The following P2RY10 variants were observed in gnomAD, a reference collection of about 807,000 sequenced individuals.
P2RY10 encodes the protein putative P2Y purinoceptor 10.
Under a neutral mutation model 12.1 loss-of-function variants are expected in P2RY10, and 4 were observed. That is an observed-to-expected ratio of 0.33 (90% confidence interval 0.16 to 0.76). The LOEUF (loss-of-function observed/expected upper bound fraction) is 0.76, where lower values mean the gene tolerates loss of function less well. Ranked by LOEUF, P2RY10 falls within the 30% of genes least tolerant of loss-of-function variation. The pLI, the probability that P2RY10 is intolerant of heterozygous loss-of-function variation, is 0.61. For synonymous variants in P2RY10, 112 were observed against 94.1 expected (o/e 1.19, Z -1.10); for missense variants, 233 against 264.6 (o/e 0.88, Z 0.83).
At chrX:78,954,594 T>C (rs760850733) in intron 3 of P2RY10, among the ~76,000 whole-genome samples, 2 of 112,315 alleles carry the variant, frequency 1.8e-5, no homozygotes, top group African/African-American at 3.2e-5. Flanking sequence ...AATGTCTTTG[T>C]TACCTCTTTC....
chrX:78,961,547 G>C lies in P2RY10; in HGVS notation c.*7G>C. 1 of 1,158,390 alleles carries C rather than the reference G, an allele frequency of 8.6e-7. No individual in the cohort carries two copies. Among genetic ancestry groups the C allele is most frequent in the Non-Finnish European group, 1.2e-6 (1 of 856,657 alleles). ...TTCATCAATGATTGGCTAAAATTAA[G>C]ATATCTCTTTAATTACGCCTTTGTT... On this transcript the variant is annotated 3_prime_UTR_variant, in exon 4 of 4. Transcript: ENST00000171757.
At chrX:78,955,439 T>C (rs1470476784) in intron 3 of P2RY10, among the ~76,000 whole-genome samples, 5 of 112,531 alleles carry the variant, frequency 4.4e-5, no homozygotes, top group Non-Finnish European at 9.4e-5. Flanking sequence ...ATCTTGAAAT[T>C]ACAGAATAAA....
intron 3 of P2RY10, among the ~76,000 whole-genome samples, chrX:78,956,154 A>G (rs1922324626): frequency 9.0e-6 from 1 of 111,511 alleles, no homozygotes; most frequent in Non-Finnish European, 1.9e-5. Context: ...AGATAATAGT[A>G]TTGATGGTAC....
intron 2 of P2RY10, among the ~76,000 whole-genome samples, chrX:78,949,767 C>T: frequency 8.9e-6 from 1 of 111,909 alleles, no homozygotes; most frequent in Non-Finnish European, 1.9e-5. Flanking sequence ...GTGTGTATCT[C>T]ATGTCAACCA....
At position 78,962,196 on chromosome X, in the gene P2RY10, C is replaced by A. The variant is rs908837104; in HGVS notation, c.*656C>A. 5.4e-5 allele frequency among the ~76,000 whole-genome samples: 6 copies of A among 110,249 alleles called. No homozygotes were observed. Among genetic ancestry groups the A allele is most frequent in the Non-Finnish European group, 9.5e-5 (5 of 52,799 alleles). On this transcript the variant is annotated 3_prime_UTR_variant, in exon 4 of 4. Transcript: ENST00000171757. Reference sequence around the variant, plus strand: ...TGGTATTTGGTTACATGAGTAAGTTCTTTAGTGGTGATTTGTGAGATTTTG... The same window carrying A: ...TGGTATTTGGTTACATGAGTAAGTTATTTAGTGGTGATTTGTGAGATTTTG...
In P2RY10 at chrX:78,963,089, G is replaced by T. The variant is rs187898046; in HGVS notation, c.*1549G>T. On this transcript the variant is annotated 3_prime_UTR_variant, in exon 4 of 4. Coordinates refer to ENST00000171757, the MANE Select transcript of P2RY10 (RefSeq NM_014499.4). ...GAATTTGAATACAAACAATCCCTCA[G>T]CTTATCAGGTTGACATTTATGAAGC... is the stretch of plus-strand genomic sequence containing the variant. Among the ~76,000 whole-genome samples, 5 of 111,356 alleles carry T rather than the reference G, an allele frequency of 4.5e-5. No homozygotes were observed. In the East Asian group the frequency reaches 1.4e-3, roughly 31 times the overall value.
intron 3 of P2RY10, among the ~76,000 whole-genome samples, chrX:78,959,666 C>A (rs747717928): frequency 9.0e-6 from 1 of 111,529 alleles, no homozygotes; most frequent in Admixed American, 9.5e-5. Flanking sequence ...TTTGCTAGTG[C>A]CCAAAGCATT....
At chrX:78,954,288 C>T (rs770823507) in intron 3 of P2RY10, among the ~76,000 whole-genome samples, 17 of 111,631 alleles carry the variant, frequency 1.5e-4, no homozygotes, top group Middle Eastern at 9.3e-3. Flanking sequence ...TTTCATGACC[C>T]GGTAACTTCT....
chrX:78,957,357 G>GACACACACACACAAACAC (rs1922378890), intron 3 of P2RY10, among the ~76,000 whole-genome samples: 1 of 57,922 alleles, frequency 1.7e-5, no homozygotes, highest in Non-Finnish European at 3.4e-5. Flanking sequence ...GGAAGAGAAA[G>GACACACACACACAAACAC]ACACACACAC....
At chrX:78,948,336 A>T (rs1221544737) in intron 2 of P2RY10, among the ~76,000 whole-genome samples, 2 of 112,070 alleles carry the variant, frequency 1.8e-5, no homozygotes, top group Non-Finnish European at 3.8e-5. Flanking sequence ...CCAGAAATGT[A>T]CAGGATCCAA....
chrX:78,947,510 G>C lies in P2RY10; in HGVS notation c.-205-305G>C, dbSNP rs948434931. 5.3e-5 allele frequency among the ~76,000 whole-genome samples: 6 copies of C among 112,246 alleles called. No individual in the cohort carries two copies. In the Admixed American group the frequency reaches 5.6e-4, roughly 11 times the overall value. The stretch of plus-strand genomic sequence containing the variant: ...AATACATAAGGAGTCAGAAGTCTGT[G>C]TTATAGTTCAAGTTCTGCCAATGAC... On this transcript the variant is annotated intron_variant, in intron 1 of 3. Transcript: ENST00000171757.
intron 1 of P2RY10, among the ~76,000 whole-genome samples, chrX:78,945,845 C>T (rs927106843): frequency 5.4e-5 from 6 of 111,976 alleles, no homozygotes; most frequent in African/African-American, 1.6e-4. Context: ...TTGACATATT[C>T]GGCCAATAAA....
At chrX:78,952,937 G>C (rs1048325100) in intron 3 of P2RY10, among the ~76,000 whole-genome samples, 2 of 111,693 alleles carry the variant, frequency 1.8e-5, no homozygotes, top group African/African-American at 6.5e-5. Flanking sequence ...GAATAGAAAA[G>C]GGGCTGATTA....
intron 1 of P2RY10, among the ~76,000 whole-genome samples, chrX:78,946,899 T>C (rs1304603014): frequency 8.9e-6 from 1 of 111,737 alleles, no homozygotes; most frequent in Non-Finnish European, 1.9e-5. Context: ...TGGTTTGAAA[T>C]AAGTGAGTTG....
rs921213714 is a variant in P2RY10, at chrX:78,963,009, C to T, written c.*1469C>T. Among the ~76,000 whole-genome samples, 1 of 112,137 alleles carries T rather than the reference C, an allele frequency of 8.9e-6. No individual in the cohort carries two copies. Among genetic ancestry groups the T allele is most frequent in the Non-Finnish European group, 1.9e-5 (1 of 53,191 alleles). ...AAGTGTGTGTCCTCTTTCTGACAAT[C>T]TTTTTATCTTATTTTTTTCAAACGT... On this transcript the variant is annotated 3_prime_UTR_variant, in exon 4 of 4. Transcript: ENST00000171757.
intron 2 of P2RY10, 103 bp from the exon 3 acceptor site, chrX:78,952,090 T>G (rs1043292712): frequency 6.4e-6 from 2 of 312,346 alleles, no homozygotes; most frequent in Non-Finnish European, 8.5e-6. Context: ...GCAAAGGAAA[T>G]GATCTCATTC....
intron 3 of P2RY10, among the ~76,000 whole-genome samples, chrX:78,953,833 G>A (rs772337839): frequency 7.2e-5 from 8 of 111,608 alleles, no homozygotes; most frequent in South Asian, 7.5e-4. Flanking sequence ...GGTTGCCAGC[G>A]TGACCTTTCT....
intron 3 of P2RY10, among the ~76,000 whole-genome samples, chrX:78,955,890 T>A (rs1267145773): frequency 9.0e-6 from 1 of 111,705 alleles, no homozygotes; most frequent in Non-Finnish European, 1.9e-5. Flanking sequence ...ATTGAATATA[T>A]ACTGATTGAG....
rs1211993020 is a variant in P2RY10, at chrX:78,962,636, G to A, written c.*1096G>A. ...AGCTTCAGACCACAAGGTCTTAAGT[G>A]GTAAATAGATGCGTTGTCCTAATAC... On this transcript the variant is annotated 3_prime_UTR_variant, in exon 4 of 4. Coordinates refer to ENST00000171757, the MANE Select transcript of P2RY10 (RefSeq NM_014499.4). 9.0e-6 allele frequency among the ~76,000 whole-genome samples: 1 copy of A among 111,493 alleles called. No individual in the cohort carries two copies. Among genetic ancestry groups the A allele is most frequent in the Non-Finnish European group, 1.9e-5 (1 of 53,107 alleles).
Sources: allele counts gnomAD v4.1 joint callset (sites outside exome capture counted in the v4.1 genomes callset), GRCh38; gene constraint gnomAD v4.1.1; transcripts MANE v1.5; gene names NCBI Gene and HGNC (gene_info 2026-07-23, HGNC 2026-07-21).